Variants in ELN observed in about 807,000 individuals in gnomAD.
ELN encodes the protein elastin, also known as tropoelastin.
In ELN, 65 loss-of-function variants were observed where a neutral mutation model predicts 105.8. The observed-to-expected ratio is 0.61, with a 90% confidence interval of 0.50 to 0.75. The LOEUF is 0.75. ELN is among the 30% of genes least tolerant of loss of function. The pLI is 0.00. For missense variants in ELN, 882 were observed against 969.4 expected (o/e 0.91, Z 1.20); for synonymous variants, 368 against 389.2 (o/e 0.95, Z 0.64).
chr7:74,064,905 G>A (rs2132612896), intron 29 of ELN, among the ~76,000 whole-genome samples: 1 of 152,224 alleles, frequency 6.6e-6, no homozygotes, highest in Admixed American at 6.5e-5. Context: ...AGCTCTTCCT[G>A]TGAGTGCCAC....
In ELN at chr7:74,042,928, C is replaced by T. The variant is rs1408147764; in HGVS notation, c.326-56C>T. ...TGGGCCCTCAGCATGCAGCCCCGGG[C>T]CCTTCTGCCTCCCCACTGTTCCTTA... On this transcript the variant is annotated intron_variant, in intron 6 of 32. Coordinates refer to ENST00000252034, the MANE Select transcript of ELN (RefSeq NM_000501.4). 3 of 1,613,692 alleles carry T rather than the reference C, an allele frequency of 1.9e-6. No individual in the cohort carries two copies. In the African/African-American group the frequency reaches 4.0e-5, roughly 22 times the overall value.
chr7:74,046,918 T>C, intron 12 of ELN, 151 bp downstream of exon 12: 2 of 890,204 alleles, frequency 2.2e-6, no homozygotes, highest in South Asian at 2.9e-5. Flanking sequence ...ACCCCGTCCC[T>C]ACTAAAGATA....
chr7:74,052,615 CAGGAAGGA>C (rs532589953), intron 17 of ELN: 45 of 141,414 alleles, frequency 3.2e-4, no homozygotes, highest in Admixed American at 1.5e-3. Flanking sequence ...AAGAGAGAGA[CAGGAAGGA>C]AGGAAGGAAG....
At chr7:74,030,102 T>C (rs1448283661) in intron 1 of ELN, among the ~76,000 whole-genome samples, 1 of 152,256 alleles carries the variant, frequency 6.6e-6, no homozygotes, top group African/African-American at 2.4e-5. Context: ...ATCTCAGCTC[T>C]GTCCCAGGTG....
chr7:74,033,960 G>C (rs1397337065), intron 1 of ELN, among the ~76,000 whole-genome samples: 1 of 152,204 alleles, frequency 6.6e-6, no homozygotes, highest in African/African-American at 2.4e-5. Context: ...CGATGGCTCA[G>C]GCAGGGTCTG....
chr7:74,065,627 A>AC, intron 29 of ELN, 67 bp from the exon 30 acceptor site: 1 of 1,575,660 alleles, frequency 6.3e-7, no homozygotes, highest in East Asian at 2.3e-5. Context: ...AAAAAAAAAA[A>AC]AAAAAAAGAC....
Position 74,037,501 on chromosome 7 carries a change from C to G in ELN, c.164-206C>G, listed in dbSNP as rs1355289634. ...GAGCCACCACCCCCAGCCCATCATC[C>G]CCTTTTGAGGCTGAGACTCTGGGAC... On this transcript the variant is annotated intron_variant, in intron 3 of 32. Coordinates refer to ENST00000252034, the MANE Select transcript of ELN (RefSeq NM_000501.4). Among the ~76,000 whole-genome samples, 6 of 152,302 alleles carry G rather than the reference C, an allele frequency of 3.9e-5. 1 individual carries two copies. The highest frequency in any genetic ancestry group is 1.4e-4 in the African/African-American group (6 of 41,566).
At chr7:74,059,086 T>TA (rs74527092) in intron 22 of ELN, among the ~76,000 whole-genome samples, 87 of 143,832 alleles carry the variant, frequency 6.0e-4, no homozygotes, top group East Asian at 8.0e-4. Context: ...ATGCCCAGTT[T>TA]AAAAAAAAAA....
In ELN at chr7:74,049,798, C is replaced by T. The variant is rs868936854; in HGVS notation, c.799+1242C>T. On this transcript the variant is annotated intron_variant, in intron 15 of 32. Coordinates refer to ENST00000252034, the MANE Select transcript of ELN (RefSeq NM_000501.4). ...TATCCGTCCACTCATCCATCCATTC[C>T]TCCATGCATCCATTCCTCCATGCAT... Among the ~76,000 whole-genome samples, 42 of 148,878 alleles carry T rather than the reference C, an allele frequency of 2.8e-4. No homozygotes were observed. In the South Asian group the frequency reaches 6.5e-3, roughly 23 times the overall value.
At chr7:74,052,060 A>G in intron 17 of ELN, 77 bp downstream of exon 17, 2 of 1,562,318 alleles carry the variant, frequency 1.3e-6, no homozygotes, top group Non-Finnish European at 1.8e-6. Context: ...GCAAAGCCAG[A>G]TGGACTTGGC....
chr7:74,062,507 T>G (rs1293649101), intron 26 of ELN, among the ~76,000 whole-genome samples: 1 of 152,172 alleles, frequency 6.6e-6, no homozygotes, highest in Non-Finnish European at 1.5e-5. Flanking sequence ...TGTGAAGCAC[T>G]CAAAATGTTA....
intron 22 of ELN, chr7:74,059,452 CG>C (rs1796095323): frequency 1.1e-5 from 3 of 264,156 alleles, no homozygotes; most frequent in Non-Finnish European, 2.2e-5. Flanking sequence ...GAGGCCAAGT[CG>C]GGTGGATCAC....
At chr7:74,037,898 A>G in intron 4 of ELN, 159 bp downstream of exon 4, 1 of 1,111,124 alleles carries the variant, frequency 9.0e-7, no homozygotes, top group Admixed American at 2.1e-5. Context: ...CCTCCCAAGG[A>G]TGAGTAGGCC....
intron 4 of ELN, among the ~76,000 whole-genome samples, chr7:74,040,211 G>T (rs782269462): frequency 6.6e-6 from 1 of 152,226 alleles, no homozygotes. Context: ...CCCCTCTGTG[G>T]ACAGGAAAGG....
intron 29 of ELN, 149 bp from the exon 30 acceptor site, chr7:74,065,545 T>TGGA: frequency 1.1e-6 from 1 of 886,354 alleles, no homozygotes; most frequent in Non-Finnish European, 1.7e-6. Context: ...ACCCAGGAGA[T>TGGA]GGAGGTTGCA....
At position 74,056,292 on chromosome 7, in the gene ELN, T is replaced by G. The variant is rs781990911; in HGVS notation, c.1172T>G (p.Val391Gly). The change falls in exon 20 of 33, where the codon GTT becomes GGT. Residue 391 changes from valine to glycine, a missense_variant. Coordinates refer to ENST00000252034, the MANE Select transcript of ELN (RefSeq NM_000501.4). The stretch of plus-strand genomic sequence containing the variant: ...GCAGGGGCCAGGCCCGGAGTCGGAG[T>G]TGGAGGCATTCCTACTTACGGGGTT... ...AKYGARPGVG[V>G]GGIPTYGVGA... 3 of 1,612,632 alleles carry G rather than the reference T, an allele frequency of 1.9e-6. No individual in the cohort carries two copies. In the South Asian group the frequency reaches 3.3e-5, roughly 18 times the overall value.
At chr7:74,057,558 A>C (rs1795557700) in intron 21 of ELN, 82 bp from the exon 22 acceptor site, 1 of 1,608,526 alleles carries the variant, frequency 6.2e-7, no homozygotes, top group Non-Finnish European at 8.5e-7. Context: ...CCATTTTACA[A>C]ATGGGAAGAC....
At chr7:74,056,949 G>T (rs1554680448) in intron 21 of ELN, among the ~76,000 whole-genome samples, 1 of 151,718 alleles carries the variant, frequency 6.6e-6, no homozygotes, top group African/African-American at 2.4e-5. Context: ...CAGAATTGAA[G>T]GTGTCTGGCA....
intron 6 of ELN, 36 bp from the exon 7 acceptor site, chr7:74,042,948 T>C (rs1469085301): frequency 6.2e-7 from 1 of 1,613,798 alleles, no homozygotes; most frequent in African/African-American, 1.3e-5. Context: ...TCCCCACTGT[T>C]CCTTACGCAA....
Sources: gnomAD v4.1 joint callset for allele counts (sites outside exome capture counted in the v4.1 genomes callset) on GRCh38, gnomAD v4.1.1 for gene constraint, MANE v1.5 for transcripts, NCBI Gene and HGNC (gene_info 2026-07-23, HGNC 2026-07-21) for gene names.